Variants in EPB41L1 observed in about 807,000 individuals in gnomAD.
The protein encoded by EPB41L1 is erythrocyte membrane protein band 4.1 like 1.
EPB41L1 carries 29 observed loss-of-function variants against 97.8 expected under a neutral mutation model. The ratio of observed to expected loss-of-function variants is 0.30; its 90% CI spans 0.22 to 0.40. The LOEUF is 0.40. EPB41L1 is among the 10% of genes least tolerant of loss of function. The pLI, the probability that EPB41L1 is intolerant of heterozygous loss-of-function variation, is 1.00. For missense variants in EPB41L1, 812 were observed against 1,162.3 expected (o/e 0.70, Z 4.38); for synonymous variants, 383 against 459.2 (o/e 0.83, Z 2.12).
chr20:36,206,435 G>T lies in EPB41L1; in HGVS notation c.1669-3053G>T, dbSNP rs1357172580. 2 of 1,289,922 alleles carry T rather than the reference G, an allele frequency of 1.6e-6. No individual in the cohort carries two copies. The highest frequency in any genetic ancestry group is 3.0e-5 in the African/African-American group (2 of 65,890). The allele number at this position is 1,289,922 out of a possible 1,614,324, so 79.9% of individuals were successfully genotyped here. On this transcript the variant is annotated intron_variant, in intron 14 of 21. Coordinates refer to ENST00000338074, the MANE Select transcript of EPB41L1 (RefSeq NM_012156.2). This position sits in a 1 kb window ranked among gnomAD's most constrained non-coding sequence, Gnocchi z 5.5. The stretch of plus-strand genomic sequence containing the variant: ...CACGCAGAAGCCAGAGCTGAGTTGA[G>T]CAATGAAACTGATACTTCCTTTGCA...
chr20:36,182,127 T>A (rs7354731), intron 5 of EPB41L1, 145 bp from the exon 6 acceptor site: 3 of 747,102 alleles, frequency 4.0e-6, no homozygotes, highest in Non-Finnish European at 7.2e-6. Flanking sequence ...ATCTGTCAAA[T>A]GGGAATAATG....
chr20:36,201,362 G>A (rs1220916015), intron 14 of EPB41L1, among the ~76,000 whole-genome samples: 1 of 151,918 alleles, frequency 6.6e-6, no homozygotes, highest in Non-Finnish European at 1.5e-5. Context: ...TCATGCTAGA[G>A]GCAGGCTCTG....
At position 36,173,927 on chromosome 20, in the gene EPB41L1, C is replaced by A. The variant is rs964830786; in HGVS notation, c.150C>A (p.Ser50=). 6.2e-7 allele frequency: 1 copy of A among 1,613,744 alleles called. No homozygotes were observed. Among genetic ancestry groups the A allele is most frequent in the Admixed American group, 1.7e-5 (1 of 59,970 alleles). Residue 50 remains serine, a synonymous_variant, in exon 2 of 22, where the codon TCC becomes TCA. Transcript: ENST00000338074. The part of the protein sequence containing the change: ...PEANSNEKHP[S]QQDTRPAEQS... ...CCAACTCCAATGAGAAGCATCCATCCCAGCAGGACACGCGGCCTGCTGAAC... is the reference window on the plus strand; with the variant it reads ...CCAACTCCAATGAGAAGCATCCATCACAGCAGGACACGCGGCCTGCTGAAC...
At chr20:36,174,095 T>G in intron 2 of EPB41L1, 141 bp downstream of exon 2, 1 of 933,398 alleles carries the variant, frequency 1.1e-6, no homozygotes, top group Non-Finnish European at 1.7e-6. Flanking sequence ...CCAAGCACTG[T>G]GCTGGGAGCA....
At chr20:36,166,346 C>T (rs1331360744) in intron 1 of EPB41L1, among the ~76,000 whole-genome samples, 1 of 152,166 alleles carries the variant, frequency 6.6e-6, no homozygotes, top group African/African-American at 2.4e-5. Context: ...GTACCTATTA[C>T]CCATTATAGG....
rs866823163 is a variant in EPB41L1 at position 36,093,849 on chromosome 20, C to G, written c.-65+2237C>G. ...AGGGGACATGTCCCCTCCGGCCTCC[C>G]CCCAGCCCCCCACCAGACCTAGCCT... On this transcript the variant is annotated intron_variant, in intron 1 of 19. Transcript: ENST00000202028. This position sits in a 1 kb window ranked among gnomAD's most constrained non-coding sequence, Gnocchi z 5.4. Among the ~76,000 whole-genome samples, 5 of 152,096 alleles carry G rather than the reference C, an allele frequency of 3.3e-5. No individual in the cohort carries two copies. The highest frequency in any genetic ancestry group is 1.2e-4 in the African/African-American group (5 of 41,432).
In EPB41L1 at chr20:36,093,692, T is replaced by C. The variant is rs943336936; in HGVS notation, c.-65+2080T>C. Among the ~76,000 whole-genome samples the C allele has an allele frequency of 4.2e-4, 62 of 148,074 alleles. No homozygotes were observed. The highest frequency in any genetic ancestry group is 6.4e-4 in the Non-Finnish European group (43 of 67,000). On this transcript the variant is annotated intron_variant, in intron 1 of 19. Coordinates refer to the EPB41L1 transcript ENST00000202028. The surrounding 1 kb of genome is among the most constrained non-coding windows in gnomAD (Gnocchi z 5.4). ...GCCCGTGTGCGTGCGTGCGTGCGTG[T>C]GTGTGTGTGTGTATGTGTATGCGTG... is the stretch of plus-strand genomic sequence containing the variant.
At chr20:36,131,516 T>C (rs1203241764) in intron 2 of EPB41L1, among the ~76,000 whole-genome samples, 1 of 152,156 alleles carries the variant, frequency 6.6e-6, no homozygotes, top group Non-Finnish European at 1.5e-5. Flanking sequence ...GGAGGCAGAA[T>C]AGGGCTGTGG....
chr20:36,150,781 TG>T (rs2060020551), upstream of EPB41L1: 1 of 152,236 alleles, frequency 6.6e-6, no homozygotes, highest in Non-Finnish European at 1.5e-5. Context: ...TCTGATGTGC[TG>T]GGGTACGTGC....
intron 20 of EPB41L1, 118 bp downstream of exon 20, chr20:36,222,062 C>A (rs2063814520): frequency 8.4e-7 from 1 of 1,186,524 alleles, no homozygotes; most frequent in Non-Finnish European, 1.3e-6. Context: ...TTCTTGCTGA[C>A]CCTGTTCAGA....
intron 2 of EPB41L1, among the ~76,000 whole-genome samples, chr20:36,120,092 T>TA (rs772089906): frequency 2.0e-5 from 3 of 152,204 alleles, no homozygotes; most frequent in Admixed American, 6.5e-5. Context: ...AAACTGTCGG[T>TA]AACATTAGCA....
intron 2 of EPB41L1, among the ~76,000 whole-genome samples, chr20:36,146,088 C>T (rs906596712): frequency 6.6e-6 from 1 of 152,212 alleles, no homozygotes; most frequent in South Asian, 2.1e-4. Context: ...TCTTTTTCTC[C>T]TCTGAACTCC....
At chr20:36,170,852 C>G (rs1454358859) in intron 1 of EPB41L1, among the ~76,000 whole-genome samples, 1 of 152,170 alleles carries the variant, frequency 6.6e-6, no homozygotes, top group East Asian at 1.9e-4. Context: ...CAAAAGGCAT[C>G]CAGCTCCTCT....
chr20:36,187,705 A>G lies in EPB41L1; in HGVS notation c.815A>G (p.His272Arg), dbSNP rs2061743305. Residue 272 changes from histidine (H) to arginine (R), a missense_variant, in exon 8 of 22, where the codon CAC becomes CGC. Coordinates refer to ENST00000338074, the MANE Select transcript of EPB41L1 (RefSeq NM_012156.2). ...RGMTPGEAEI[H>R]FLENAKKLSM... is the part of the protein sequence containing the mutation. ...ATGACCCCGGGAGAAGCAGAAATCC[A>G]CTTCTTAGAGAATGCCAAGAAGCTT... 6.2e-7 allele frequency: 1 copy of G among 1,613,864 alleles called. No individual in the cohort carries two copies. Among genetic ancestry groups the G allele is most frequent in the Non-Finnish European group, 8.5e-7 (1 of 1,180,002 alleles).
chr20:36,202,291 C>T (rs1037150042), intron 14 of EPB41L1, among the ~76,000 whole-genome samples: 1 of 152,218 alleles, frequency 6.6e-6, no homozygotes, highest in Non-Finnish European at 1.5e-5. Flanking sequence ...GGGAAGTTTT[C>T]GTGTTGAATT....
chr20:36,138,525 G>C (rs1014017422), intron 2 of EPB41L1, among the ~76,000 whole-genome samples: 6 of 152,178 alleles, frequency 3.9e-5, no homozygotes, highest in Non-Finnish European at 2.9e-5. Context: ...GCCTCCCAAA[G>C]TGCTGGGATC....
intron 15 of EPB41L1, among the ~76,000 whole-genome samples, chr20:36,211,731 G>A (rs1006002746): frequency 2.0e-4 from 31 of 152,158 alleles, no homozygotes; most frequent in African/African-American, 7.5e-4. Flanking sequence ...GCATGAGCCT[G>A]TAGTGCCAGC....
At chr20:36,157,302 AT>A (rs1212161881) in intron 1 of EPB41L1, among the ~76,000 whole-genome samples, 1 of 152,246 alleles carries the variant, frequency 6.6e-6, no homozygotes, top group Admixed American at 6.5e-5. Context: ...AAGTGATAGT[AT>A]TTATTGAAAC....
chr20:36,231,677 A>G lies in EPB41L1; in HGVS notation c.*2337A>G, dbSNP rs1225385711. ...GAATAGCATTTGCTTCTCTGGGCAA[A>G]TGGGAAGTTCAGCGGGGCAGCAGAA... is the stretch of plus-strand genomic sequence containing the variant. On this transcript the variant is annotated 3_prime_UTR_variant, in exon 22 of 22. Transcript: ENST00000338074. 6.6e-6 allele frequency: 1 copy of G among 152,384 alleles called. No individual in the cohort carries two copies. Among genetic ancestry groups the G allele is most frequent in the African/African-American group, 2.4e-5 (1 of 41,458 alleles). The allele number at this position is 152,384 out of a possible 1,614,324, so 9.4% of individuals were successfully genotyped here. A position where few individuals can be genotyped will look rare whatever the true frequency, so the allele number is the denominator to read the frequency against.
Sources: allele counts gnomAD v4.1 joint callset (sites outside exome capture counted in the v4.1 genomes callset), GRCh38; gene constraint gnomAD v4.1.1; non-coding constraint Gnocchi (gnomAD v3.1); transcripts MANE v1.5; gene names NCBI Gene and HGNC (gene_info 2026-07-23, HGNC 2026-07-21).